The following LOC400499 variants were observed in gnomAD, a reference collection of about 807,000 sequenced individuals.
the LOC400499 span, among the ~76,000 whole-genome samples, chr16:11,491,387 T>C: frequency 6.6e-6 from 1 of 152,192 alleles, no homozygotes; most frequent in Non-Finnish European, 1.5e-5. Context: ...TGTCGTGATC[T>C]GGCCAGAGCT....
At chr16:11,465,996 G>C in the LOC400499 span, among the ~76,000 whole-genome samples, 1 of 152,206 alleles carries the variant, frequency 6.6e-6, no homozygotes, top group East Asian at 1.9e-4. Flanking sequence ...AGAGAGAATG[G>C]TGTTCATGGC....
At chr16:11,428,868 G>A in the LOC400499 span, among the ~76,000 whole-genome samples, 1 of 152,062 alleles carries the variant, frequency 6.6e-6, no homozygotes, top group African/African-American at 2.4e-5. Context: ...CATTTAGGTG[G>A]GGGGCACGTG....
At chr16:11,440,729 A>C in the LOC400499 span, 1 of 399,010 alleles carries the variant, frequency 2.5e-6, no homozygotes, top group East Asian at 3.6e-5. Flanking sequence ...CTGACCTGGG[A>C]TGTGACGTTG....
chr16:11,408,849 G>A, the LOC400499 span, among the ~76,000 whole-genome samples: 1 of 152,002 alleles, frequency 6.6e-6, no homozygotes, highest in Non-Finnish European at 1.5e-5. Context: ...CCAAAAATAA[G>A]ATGGATGGAT....
At chr16:11,393,570 GA>G in the LOC400499 span, 1 of 1,232,360 alleles carries the variant, frequency 8.1e-7, no homozygotes, top group Non-Finnish European at 1.0e-6. Context: ...CTGGGAGGGG[GA>G]AGGCAGAGGC....
chr16:11,456,491 C>A, the LOC400499 span, among the ~76,000 whole-genome samples: 1 of 152,070 alleles, frequency 6.6e-6, no homozygotes. Flanking sequence ...TGGGGTGGGA[C>A]AAGGCTGGAG....
At chr16:11,471,381 A>T in the LOC400499 span, 5 of 322,176 alleles carry the variant, frequency 1.6e-5, no homozygotes, top group African/African-American at 4.3e-5. Context: ...GGCAAGTCAC[A>T]AAAGAATATG....
At chr16:11,401,360 G>C in the LOC400499 span, 5 of 399,464 alleles carry the variant, frequency 1.3e-5, no homozygotes, top group African/African-American at 2.1e-5. Flanking sequence ...GGCCAGGCGG[G>C]CGGCCAGCTC....
At chr16:11,386,206 G>A in the LOC400499 span, among the ~76,000 whole-genome samples, 3 of 152,140 alleles carry the variant, frequency 2.0e-5, no homozygotes, top group Admixed American at 6.5e-5. Context: ...GCCTGAGAAG[G>A]AGGTCTGACC....
the LOC400499 span, among the ~76,000 whole-genome samples, chr16:11,463,581 TAA>T: frequency 7.2e-5 from 11 of 152,052 alleles, no homozygotes; most frequent in Non-Finnish European, 1.6e-4. Context: ...TACGGATGTG[TAA>T]AGAGGTGTAT....
chr16:11,444,547 T>C, the LOC400499 span, among the ~76,000 whole-genome samples: 1 of 152,234 alleles, frequency 6.6e-6, no homozygotes, highest in Admixed American at 6.5e-5. Context: ...ACGGTAGTTA[T>C]GAGTGAACAA....
the LOC400499 span, chr16:11,491,957 T>A: frequency 2.5e-6 from 1 of 395,024 alleles, no homozygotes; most frequent in Non-Finnish European, 4.5e-6. Context: ...GCTGTCCTGA[T>A]GCCCCTACTG....
At chr16:11,399,526 T>C in the LOC400499 span, 1 of 398,684 alleles carries the variant, frequency 2.5e-6, no homozygotes, top group African/African-American at 2.1e-5. Context: ...CGTTGAGCTG[T>C]TCAACGAACA....
the LOC400499 span, chr16:11,385,495 G>GC: frequency 2.0e-6 from 2 of 990,434 alleles, no homozygotes; most frequent in Non-Finnish European, 2.6e-6. Context: ...CCTGCTGGGT[G>GC]CCCCGGATGC....
the LOC400499 span, among the ~76,000 whole-genome samples, chr16:11,492,038 C>T: frequency 6.6e-6 from 1 of 152,102 alleles, no homozygotes; most frequent in East Asian, 1.9e-4. Context: ...ACTGACCTTG[C>T]CTAATTCCCA....
chr16:11,384,461 C>T, the LOC400499 span: 118 of 439,382 alleles, frequency 2.7e-4, 1 homozygote, highest in African/African-American at 2.2e-3. Context: ...ACCACCTCCA[C>T]CCCGGACTCC....
At chr16:11,399,000 C>G in the LOC400499 span, among the ~76,000 whole-genome samples, 3 of 152,164 alleles carry the variant, frequency 2.0e-5, no homozygotes, top group African/African-American at 7.2e-5. Context: ...GCCCCAGGAA[C>G]CCAGGCGGGA....
the LOC400499 span, chr16:11,462,416 C>T: frequency 1.5e-6 from 2 of 1,312,878 alleles, no homozygotes; most frequent in Middle Eastern, 2.9e-4. Flanking sequence ...CAACCTTCTA[C>T]ACCGATCCTT....
At chr16:11,486,565 GATGA>G in the LOC400499 span, among the ~76,000 whole-genome samples, 1 of 95,316 alleles carries the variant, frequency 1.0e-5, no homozygotes, top group Non-Finnish European at 2.1e-5. Context: ...TGGGTGGGTG[GATGA>G]ATGGATGATG....
Sources: gnomAD v4.1 joint callset for allele counts (sites outside exome capture counted in the v4.1 genomes callset) on GRCh38, gnomAD v4.1.1 for gene constraint, MANE v1.5 for transcripts.